Variants in TBC1D32 observed in about 807,000 individuals in gnomAD.
TBC1D32 encodes the protein protein broad-minded.
TBC1D32 carries 151 observed loss-of-function variants against 170.3 expected under a neutral mutation model. The observed-to-expected ratio is 0.89, with a 90% CI of 0.78 to 1.01. TBC1D32 has a LOEUF of 1.01. TBC1D32 is among the 50% of genes least tolerant of loss of function. The pLI is 0.00. For synonymous variants in TBC1D32, 498 were observed against 488.0 expected, an observed-to-expected ratio of 1.02 and a Z score of -0.27; for missense variants, 1,464 against 1,457.1, an observed-to-expected ratio of 1.00 and a Z score of -0.08.
intron 24 of TBC1D32, among the ~76,000 whole-genome samples, chr6:121,139,075 T>C (rs1005552314): frequency 1.3e-5 from 2 of 152,140 alleles, no homozygotes; most frequent in Non-Finnish European, 2.9e-5. Context: ...CTCCATCTCC[T>C]GACCTTGTGG....
At chr6:121,241,210 CATT>C (rs1355664520) in intron 19 of TBC1D32, among the ~76,000 whole-genome samples, 3 of 152,058 alleles carry the variant, frequency 2.0e-5, no homozygotes, top group Admixed American at 1.3e-4. Flanking sequence ...CTCCTGAGTT[CATT>C]ATTTGCCATT....
rs1299784866 is a variant in TBC1D32, at chr6:121,295,023, C to T, written c.1141-363G>A. Among the ~76,000 whole-genome samples the T allele has an allele frequency of 2.0e-5, 3 of 152,236 alleles. No individual in the cohort carries two copies. The East Asian group carries it at 5.8e-4, about 29-fold the overall frequency. ...TTCCTTTGCCTTAGAATCTTTTCCTCCTACCCAGCTAGCAAAATATCAAGT... is the reference window on the plus strand; with the variant it reads ...TTCCTTTGCCTTAGAATCTTTTCCTTCTACCCAGCTAGCAAAATATCAAGT... On this transcript the variant is annotated intron_variant, in intron 10 of 31. Transcript: ENST00000398212.
chr6:121,122,608 A>G (rs1347001160), intron 26 of TBC1D32, among the ~76,000 whole-genome samples: 1 of 152,098 alleles, frequency 6.6e-6, no homozygotes. Flanking sequence ...AAAACTATTT[A>G]ATACTTTAAT....
chr6:121,242,291 G>A lies in TBC1D32; in HGVS notation c.2067C>T (p.Ala689=), dbSNP rs1797085561. ...GAAGAAGTAGTAATCCTTTGGGGGT[G>A]GCAGCAAAATGTAGTAAATCATCTA... is the stretch of plus-strand genomic sequence containing the variant. ...NLLDDLLHFA[A]TPKGLLLLQR... Residue 689 remains alanine (A), a synonymous_variant, in exon 18 of 32, where the codon GCC becomes GCT. Coordinates refer to ENST00000398212, the MANE Select transcript of TBC1D32 (RefSeq NM_152730.6). 5 of 1,612,256 alleles carry A rather than the reference G, an allele frequency of 3.1e-6. No homozygotes were observed. The highest frequency in any genetic ancestry group is 1.3e-5 in the African/African-American group (1 of 74,816).
At chr6:121,282,081 T>A (rs1301181523) in intron 13 of TBC1D32, among the ~76,000 whole-genome samples, 1 of 151,660 alleles carries the variant, frequency 6.6e-6, no homozygotes, top group Non-Finnish European at 1.5e-5. Context: ...AATAATATAC[T>A]CAAGTATTGA....
intron 3 of TBC1D32, 51 bp from the exon 4 acceptor site, chr6:121,310,898 A>T: frequency 1.0e-6 from 1 of 983,818 alleles, no homozygotes; most frequent in Non-Finnish European, 1.6e-6. Flanking sequence ...TTTTAGAACT[A>T]TTGCTATAAG....
At chr6:121,281,029 G>T (rs992880223) in intron 14 of TBC1D32, among the ~76,000 whole-genome samples, 14 of 151,758 alleles carry the variant, frequency 9.2e-5, no homozygotes, top group African/African-American at 3.4e-4. Context: ...TTCAGCCTCA[G>T]TTGTGATTAT....
At chr6:121,271,351 T>C (rs1693603644) in intron 15 of TBC1D32, among the ~76,000 whole-genome samples, 1 of 152,204 alleles carries the variant, frequency 6.6e-6, no homozygotes, top group South Asian at 2.1e-4. Context: ...CATGATTGTA[T>C]ATTTAGAAAA....
chr6:121,322,662 C>T (rs112316773), intron 1 of TBC1D32, among the ~76,000 whole-genome samples: 1 of 152,206 alleles, frequency 6.6e-6, no homozygotes, highest in Non-Finnish European at 1.5e-5. Flanking sequence ...TCCTGACCAC[C>T]TCTACACCTA....
intron 15 of TBC1D32, among the ~76,000 whole-genome samples, chr6:121,264,651 G>A (rs966806019): frequency 3.9e-5 from 6 of 152,096 alleles, no homozygotes; most frequent in Non-Finnish European, 2.9e-5. Context: ...ATGAACATCA[G>A]TGTGAAAATC....
intron 24 of TBC1D32, among the ~76,000 whole-genome samples, chr6:121,148,569 C>T (rs1231283927): frequency 6.6e-6 from 1 of 152,112 alleles, no homozygotes; most frequent in African/African-American, 2.4e-5. Flanking sequence ...ACACCATCTT[C>T]CACAACGGTT....
chr6:121,281,729 C>T, intron 13 of TBC1D32, 43 bp from the exon 14 acceptor site: 1 of 1,453,982 alleles, frequency 6.9e-7, no homozygotes, highest in Non-Finnish European at 9.3e-7. Context: ...ACATTAAATA[C>T]TTAGAACTAT....
intron 26 of TBC1D32, among the ~76,000 whole-genome samples, chr6:121,122,166 T>C (rs183423758): frequency 6.6e-6 from 1 of 152,092 alleles, no homozygotes; most frequent in African/African-American, 2.4e-5. Flanking sequence ...TGTTAACCAA[T>C]TCTGTTGGCC....
intron 29 of TBC1D32, among the ~76,000 whole-genome samples, chr6:121,106,826 T>C (rs1778736261): frequency 6.6e-6 from 1 of 151,976 alleles, no homozygotes; most frequent in Non-Finnish European, 1.5e-5. Context: ...CTTATATATA[T>C]GTGAATATAT....
At chr6:121,174,942 G>A (rs966093412) in intron 22 of TBC1D32, among the ~76,000 whole-genome samples, 2 of 148,912 alleles carry the variant, frequency 1.3e-5, no homozygotes, top group African/African-American at 4.9e-5. Flanking sequence ...TGAGGTGGGA[G>A]AATCACCTGA....
At chr6:121,319,130 C>T (rs974250579) in intron 2 of TBC1D32, among the ~76,000 whole-genome samples, 1 of 151,170 alleles carries the variant, frequency 6.6e-6, no homozygotes, top group African/African-American at 2.4e-5. Context: ...ATGTATTTAA[C>T]ATATTTCTTT....
In TBC1D32 at chr6:121,307,815, T is replaced by C. The variant is rs563644907; in HGVS notation, c.690+161A>G. ...AGGCAGAGGTTAAAGTGAGCCAAGG[T>C]AGTACCAGTGCACTCCAGCCTGGGC... On this transcript the variant is annotated intron_variant, in intron 5 of 31. Transcript: ENST00000398212. Among the ~76,000 whole-genome samples, 44 of 152,104 alleles carry C rather than the reference T, an allele frequency of 2.9e-4. No homozygotes were observed. The South Asian group carries it at 9.1e-3, about 32-fold the overall frequency.
At chr6:121,286,393 G>A (rs1803833830) in intron 12 of TBC1D32, among the ~76,000 whole-genome samples, 1 of 152,098 alleles carries the variant, frequency 6.6e-6, no homozygotes, top group South Asian at 2.1e-4. Flanking sequence ...TATCAGTGAT[G>A]GAAGATGAAA....
intron 21 of TBC1D32, among the ~76,000 whole-genome samples, chr6:121,210,438 T>C (rs1303372198): frequency 6.6e-6 from 1 of 152,210 alleles, no homozygotes; most frequent in Non-Finnish European, 1.5e-5. Flanking sequence ...AAAAGGATTA[T>C]TCTCTGTGAA....
Sources: allele counts gnomAD v4.1 joint callset (sites outside exome capture counted in the v4.1 genomes callset), GRCh38; gene constraint gnomAD v4.1.1; transcripts MANE v1.5; gene names NCBI Gene and HGNC (gene_info 2026-07-23, HGNC 2026-07-21).